Variants in ABCA12 observed in about 807,000 individuals in gnomAD.
The protein encoded by ABCA12 is ATP binding cassette subfamily A member 12, also known as glucosylceramide transporter ABCA12.
Under a neutral mutation model 293.5 loss-of-function variants are expected in ABCA12, and 156 were observed. That is an observed-to-expected ratio of 0.53 (90% CI 0.47 to 0.61). The LOEUF (loss-of-function observed/expected upper bound fraction) is 0.61. Among genes scored for constraint, ABCA12 ranks in the 20% least tolerant of loss-of-function variants. ABCA12 has a pLI of 0.00. For missense variants in ABCA12, 2,797 were observed against 3,090.2 expected, an observed-to-expected ratio of 0.91 and a Z score of 2.25; for synonymous variants, 1,063 against 1,108.0, an observed-to-expected ratio of 0.96 and a Z score of 0.81.
chr2:215,133,451 G>A (rs897809289), intron 1 of ABCA12, among the ~76,000 whole-genome samples: 16 of 151,668 alleles, frequency 1.1e-4, no homozygotes, highest in South Asian at 4.2e-4. Flanking sequence ...CATAGACTTC[G>A]TCATCTTAAT....
intron 30 of ABCA12, among the ~76,000 whole-genome samples, chr2:214,981,170 A>T (rs1205812888): frequency 7.3e-5 from 11 of 151,268 alleles, no homozygotes; most frequent in Admixed American, 7.2e-4. Flanking sequence ...TTTTTTTCAT[A>T]TAAATTAACA....
At chr2:215,125,327 C>G (rs1024826925) in intron 1 of ABCA12, among the ~76,000 whole-genome samples, 1 of 152,022 alleles carries the variant, frequency 6.6e-6, no homozygotes, top group African/African-American at 2.4e-5. Context: ...CTTTTTCTAA[C>G]TCTGAAGAAT....
chr2:215,110,471 C>T (rs550381039), intron 2 of ABCA12, among the ~76,000 whole-genome samples: 4 of 152,164 alleles, frequency 2.6e-5, no homozygotes, highest in Non-Finnish European at 5.9e-5. Context: ...GCCGAAATCG[C>T]GCCACTGCAC....
intron 14 of ABCA12, among the ~76,000 whole-genome samples, chr2:215,016,331 C>T (rs370086427): frequency 4.4e-4 from 67 of 151,220 alleles, no homozygotes; most frequent in African/African-American, 1.6e-3. Context: ...CGCCTCTAAT[C>T]CCAGCACTTT....
intron 2 of ABCA12, among the ~76,000 whole-genome samples, chr2:215,084,826 G>A (rs1479898007): frequency 6.6e-6 from 1 of 152,130 alleles, no homozygotes. Flanking sequence ...GGGCACAGTG[G>A]CTCACACCAG....
chr2:214,987,897 AT>A, intron 26 of ABCA12, 104 bp from the exon 27 acceptor site: 1 of 1,425,354 alleles, frequency 7.0e-7, no homozygotes, highest in Non-Finnish European at 9.6e-7. Context: ...AAGTAGTTTT[AT>A]TTTTTGACAC....
intron 1 of ABCA12, among the ~76,000 whole-genome samples, chr2:215,124,997 C>T (rs1702892288): frequency 1.3e-5 from 2 of 151,996 alleles, no homozygotes; most frequent in African/African-American, 4.8e-5. Context: ...TGAGATGAGG[C>T]TCCAGTTTCA....
chr2:215,048,256 G>A (rs1027232004), intron 6 of ABCA12, among the ~76,000 whole-genome samples: 2 of 152,058 alleles, frequency 1.3e-5, no homozygotes, highest in African/African-American at 4.8e-5. Context: ...AAAACAGTGT[G>A]GTGATTCCTC....
At chr2:215,072,036 T>C (rs549450892) in intron 2 of ABCA12, among the ~76,000 whole-genome samples, 5 of 152,264 alleles carry the variant, frequency 3.3e-5, no homozygotes, top group South Asian at 2.1e-4. Context: ...TTCAAATCCA[T>C]TGGCAAAAAG....
At chr2:215,133,095 GTCTAACCAGTTGTCCTTTGT>G (rs903655352) in intron 1 of ABCA12, among the ~76,000 whole-genome samples, 3 of 138,318 alleles carry the variant, frequency 2.2e-5, no homozygotes, top group Admixed American at 7.6e-5. Context: ...TCCACTGTTA[GTCTAACCAGTTGTCCTTTGT>G]AGGTGCTTTG....
intron 4 of ABCA12, 40 bp downstream of exon 4, chr2:215,054,533 A>G (rs371277657): frequency 3.2e-4 from 489 of 1,505,998 alleles, no homozygotes; most frequent in Non-Finnish European, 4.1e-4. Context: ...TTACTGTTCC[A>G]TAAGGCTTGT....
intron 18 of ABCA12, among the ~76,000 whole-genome samples, chr2:215,009,025 A>G (rs892915341): frequency 6.6e-6 from 1 of 152,176 alleles, no homozygotes; most frequent in African/African-American, 2.4e-5. Context: ...GCATGCATGC[A>G]TATGTTCATC....
At chr2:214,996,307 T>C (rs1700031133) in intron 23 of ABCA12, among the ~76,000 whole-genome samples, 1 of 152,246 alleles carries the variant, frequency 6.6e-6, no homozygotes, top group Non-Finnish European at 1.5e-5. Flanking sequence ...TTTTATTATA[T>C]GCATATACAT....
chr2:215,042,300 TATC>T (rs1701116084), intron 7 of ABCA12: 1 of 152,206 alleles, frequency 6.6e-6, no homozygotes, highest in Admixed American at 6.5e-5. Flanking sequence ...GCACTGACAT[TATC>T]ATGGCTCACT....
chr2:215,119,752 A>AAAAAAAAACC (rs1203424589), intron 1 of ABCA12, among the ~76,000 whole-genome samples: 2 of 142,966 alleles, frequency 1.4e-5, no homozygotes, highest in African/African-American at 5.9e-5. Context: ...AAAAAAAAAA[A>AAAAAAAAACC]TGAAAACAAA....
intron 3 of ABCA12, among the ~76,000 whole-genome samples, chr2:215,055,307 T>G (rs1701398317): frequency 6.6e-6 from 1 of 152,104 alleles, no homozygotes; most frequent in African/African-American, 2.4e-5. Context: ...CTGTGCAACA[T>G]GATCACACTA....
chr2:214,953,882 T>G lies in ABCA12; in HGVS notation c.6619A>C (p.Ile2207Leu). 1 of 1,613,982 alleles carries G rather than the reference T, an allele frequency of 6.2e-7. No homozygotes were observed. ...AGTTTCTTTATCAGGGATTCGTTGA[T>G]TAAGAGTCGCAAGGAAAAAAACATG... Reference protein sequence around the residue: ...GTMFFSLRLLINESLIKKLRL... With the variant: ...GTMFFSLRLLLNESLIKKLRL... Residue 2207 changes from isoleucine (I) to leucine (L), a missense_variant, in exon 44 of 53, where the codon ATC (isoleucine) becomes CTC (leucine). Ile to Leu is a conservative substitution (Grantham distance 5). Coordinates refer to ENST00000272895, the MANE Select transcript of ABCA12 (RefSeq NM_173076.3).
intron 19 of ABCA12, among the ~76,000 whole-genome samples, chr2:215,005,737 C>T (rs1452219745): frequency 6.6e-6 from 1 of 152,148 alleles, no homozygotes; most frequent in Non-Finnish European, 1.5e-5. Flanking sequence ...ATAATAGGTA[C>T]AATGTATATT....
At chr2:215,106,609 C>G (rs926437461) in intron 2 of ABCA12, among the ~76,000 whole-genome samples, 4 of 151,994 alleles carry the variant, frequency 2.6e-5, no homozygotes, top group African/African-American at 9.7e-5. Context: ...ATTACAAGGT[C>G]CAAAGAAATG....
Sources: gnomAD v4.1 joint callset for allele counts (sites outside exome capture counted in the v4.1 genomes callset) on GRCh38, gnomAD v4.1.1 for gene constraint, MANE v1.5 for transcripts, NCBI Gene and HGNC (gene_info 2026-07-23, HGNC 2026-07-21) for gene names.